Variants in SLC8A3 observed in about 807,000 individuals in gnomAD.
SLC8A3 encodes solute carrier family 8 member A3, also known as sodium/calcium exchanger 3.
Under a neutral mutation model 65.4 loss-of-function variants are expected in SLC8A3, and 37 were observed. The observed-to-expected ratio is 0.57, with a 90% CI of 0.44 to 0.74. The LOEUF (loss-of-function observed/expected upper bound fraction) is 0.74, where lower values mean the gene tolerates loss of function less well. SLC8A3 is among the 30% of genes least tolerant of loss of function. The pLI, the probability that SLC8A3 is intolerant of heterozygous loss-of-function variation, is 0.00. For missense variants in SLC8A3, 1,112 were observed against 1,172.1 expected, an observed-to-expected ratio of 0.95 and a Z score of 0.75; for synonymous variants, 461 against 444.5, an observed-to-expected ratio of 1.04 and a Z score of -0.47.
At position 70,166,734 on chromosome 14, in the gene SLC8A3, G is replaced by T; in HGVS notation, c.1689C>A (p.Ile563=). The change falls in exon 2 of 7, where the codon ATC becomes ATA. Residue 563 remains isoleucine, a synonymous_variant. Transcript: ENST00000356921. ...LRTSGARGTV[I]VPFRTVEGTA... ...TCCCTTCTACTGTCCTAAAGGGGAC[G>T]ATGACTGTACCCCGGGCACCTGATG... 1 of 1,613,930 alleles carries T rather than the reference G, an allele frequency of 6.2e-7. No individual in the cohort carries two copies. Among genetic ancestry groups the T allele is most frequent in the Non-Finnish European group, 8.5e-7 (1 of 1,179,844 alleles).
Position 70,167,647 on chromosome 14 carries a change from T to C in SLC8A3, c.776A>G (p.Lys259Arg), listed in dbSNP as rs1217265387. The change falls in exon 2 of 7, where the codon AAA (lysine) becomes AGA (arginine). Residue 259 changes from lysine (K) to arginine (R), a missense_variant. Lys to Arg is a conservative substitution (Grantham distance 26). Transcript: ENST00000356921. ...TGTGCGGTACTTTTTGTGCATGTATTTGTAGAAGAGCAGTCGTTTATCTGC... is the reference window on the plus strand; with the variant it reads ...TGTGCGGTACTTTTTGTGCATGTATCTGTAGAAGAGCAGTCGTTTATCTGC... ...WVADKRLLFY[K>R]YMHKKYRTDK... The C allele has an allele frequency of 1.9e-6, 3 of 1,614,160 alleles. No homozygotes were observed. In the Admixed American group the frequency reaches 5.0e-5, roughly 27 times the overall value.
At chr14:70,101,504 G>C (rs1332982802) in intron 2 of SLC8A3, among the ~76,000 whole-genome samples, 1 of 152,206 alleles carries the variant, frequency 6.6e-6, no homozygotes, top group African/African-American at 2.4e-5. Flanking sequence ...GCCAGAATTT[G>C]TATCATGCGG....
intron 2 of SLC8A3, among the ~76,000 whole-genome samples, chr14:70,122,716 A>T (rs1350801821): frequency 2.6e-5 from 4 of 152,172 alleles, no homozygotes; most frequent in African/African-American, 4.8e-5. Flanking sequence ...TTCAGAGTAG[A>T]TGACCTTCAA....
At chr14:70,174,680 T>G (rs1339521599) in intron 1 of SLC8A3, among the ~76,000 whole-genome samples, 22 of 129,830 alleles carry the variant, frequency 1.7e-4, no homozygotes, top group South Asian at 9.8e-4. Flanking sequence ...TTTTTTTTTT[T>G]TTTTTTTTTT....
intron 2 of SLC8A3, among the ~76,000 whole-genome samples, chr14:70,117,564 A>C (rs574021572): frequency 6.6e-6 from 1 of 152,276 alleles, no homozygotes; most frequent in South Asian, 2.1e-4. Context: ...CTACACAAAA[A>C]CTAGACCTGT....
chr14:70,053,326 CTCTGATTAGTTAAT>C (rs1257106879), intron 3 of SLC8A3, among the ~76,000 whole-genome samples: 1 of 152,194 alleles, frequency 6.6e-6, no homozygotes, highest in Non-Finnish European at 1.5e-5. Context: ...GAATTTGAGT[CTCTGATTAGTTAAT>C]TCTGAAGGTA....
In SLC8A3 at chr14:70,167,840, G is replaced by A. The variant is rs776319425; in HGVS notation, c.583C>T (p.Arg195Cys). Residue 195 changes from arginine to cysteine, a missense_variant, in exon 2 of 7, where the codon CGC (arginine) becomes TGC (cysteine). Coordinates refer to ENST00000356921, the MANE Select transcript of SLC8A3 (RefSeq NM_182932.3). Reference sequence around the variant, plus strand: ...AAGACTCGTAGATGCTTGATCTTGCGAGTCTCTCCGTCTGGGATCACGTAG... The same window carrying A: ...AAGACTCGTAGATGCTTGATCTTGCAAGTCTCTCCGTCTGGGATCACGTAG... ...CVYVIPDGET[R>C]KIKHLRVFFI... is the part of the protein sequence containing the mutation. The A allele has an allele frequency of 2.5e-6, 4 of 1,613,956 alleles. No homozygotes were observed. The highest frequency in any genetic ancestry group is 1.7e-5 in the Admixed American group (1 of 59,998).
intron 2 of SLC8A3, among the ~76,000 whole-genome samples, chr14:70,155,494 T>G: frequency 6.6e-6 from 1 of 152,232 alleles, no homozygotes; most frequent in East Asian, 1.9e-4. Flanking sequence ...ATCAAGGTTT[T>G]GATACTTACC....
At chr14:70,117,619 G>A (rs1443914656) in intron 2 of SLC8A3, among the ~76,000 whole-genome samples, 1 of 152,040 alleles carries the variant, frequency 6.6e-6, no homozygotes, top group East Asian at 1.9e-4. Context: ...TGTATTTTCT[G>A]ATGCTTTGAC....
At chr14:70,084,495 A>G (rs1394771123) in intron 2 of SLC8A3, among the ~76,000 whole-genome samples, 3 of 151,882 alleles carry the variant, frequency 2.0e-5, no homozygotes, top group African/African-American at 7.3e-5. Context: ...TTTTCCTCAC[A>G]CTCTGTTTAG....
chr14:70,075,291 A>G (rs1398198680), intron 2 of SLC8A3, among the ~76,000 whole-genome samples: 1 of 151,916 alleles, frequency 6.6e-6, no homozygotes, highest in Admixed American at 6.6e-5. Context: ...TTCACTCCTC[A>G]CTGGCCCTTC....
chr14:70,126,044 T>C lies in SLC8A3; in HGVS notation c.1784+40595A>G, dbSNP rs377056047. Among the ~76,000 whole-genome samples the C allele has an allele frequency of 4.3e-4, 65 of 152,322 alleles. No homozygotes were observed. The South Asian group carries it at 0.013, about 31-fold the overall frequency. On this transcript the variant is annotated intron_variant, in intron 2 of 6. Transcript: ENST00000356921. ...TCTAAGGTGCATCAGATTCTGACAA[T>C]ATTCTTTTGTTTTTCCTAAAGAGTT... is the stretch of plus-strand genomic sequence containing the variant.
chr14:70,133,650 C>A (rs1208868660), intron 2 of SLC8A3, among the ~76,000 whole-genome samples: 1 of 152,088 alleles, frequency 6.6e-6, no homozygotes, highest in Non-Finnish European at 1.5e-5. Context: ...ACCCCAAATG[C>A]CCAAATTCAG....
intron 2 of SLC8A3, among the ~76,000 whole-genome samples, chr14:70,152,592 T>C (rs916057451): frequency 6.6e-6 from 1 of 151,836 alleles, no homozygotes; most frequent in Non-Finnish European, 1.5e-5. Flanking sequence ...GATTTAGCCA[T>C]GAGAAGAAAG....
intron 2 of SLC8A3, among the ~76,000 whole-genome samples, chr14:70,107,808 G>C (rs1211433255): frequency 6.6e-6 from 1 of 152,062 alleles, no homozygotes; most frequent in African/African-American, 2.4e-5. Flanking sequence ...ATTAGAGAGA[G>C]AGTGAAGCAC....
chr14:70,183,948 C>T (rs1882966928), intron 1 of SLC8A3, among the ~76,000 whole-genome samples: 1 of 152,196 alleles, frequency 6.6e-6, no homozygotes, highest in Non-Finnish European at 1.5e-5. Context: ...TCCTATAAAG[C>T]CCCCAGCAAG....
intron 2 of SLC8A3, among the ~76,000 whole-genome samples, chr14:70,114,861 G>C (rs1179551008): frequency 2.6e-5 from 4 of 152,178 alleles, no homozygotes; most frequent in Non-Finnish European, 4.4e-5. Flanking sequence ...GGGTGGGAGA[G>C]AGCGCGTGCT....
chr14:70,174,651 GTTTTTTTTTTGTTTTTTTTTTTTTT>G (rs1243281675), intron 1 of SLC8A3, among the ~76,000 whole-genome samples: 2 of 90,364 alleles, frequency 2.2e-5, no homozygotes, highest in African/African-American at 9.9e-5. Context: ...GACCAAATCC[GTTTTTTTTTTGTTTTTTTTTTTTTT>G]TTTTTTTTTT....
At chr14:70,132,615 C>T (rs1409325306) in intron 2 of SLC8A3, among the ~76,000 whole-genome samples, 1 of 152,186 alleles carries the variant, frequency 6.6e-6, no homozygotes, top group African/African-American at 2.4e-5. Context: ...GGAAATCTTT[C>T]ATCCCATTTG....
Sources: allele counts gnomAD v4.1 joint callset (sites outside exome capture counted in the v4.1 genomes callset), GRCh38; gene constraint gnomAD v4.1.1; transcripts MANE v1.5; gene names NCBI Gene and HGNC (gene_info 2026-07-23, HGNC 2026-07-21).